Variants in PKIB observed in about 807,000 individuals in gnomAD.
PKIB encodes cAMP-dependent protein kinase inhibitor beta, also known as PKI-beta.
Under a neutral mutation model 4.5 loss-of-function variants are expected in PKIB, and 2 were observed. That is an observed-to-expected ratio of 0.44 (90% CI 0.18 to 1.39). The LOEUF (loss-of-function observed/expected upper bound fraction) is 1.39, where lower values mean the gene tolerates loss of function less well. PKIB is among the 40% of genes most tolerant of loss of function. The pLI is 0.27. For synonymous variants in PKIB, 38 were observed against 36.0 expected (o/e 1.06, Z -0.20); for missense variants, 94 against 92.6 (o/e 1.02, Z -0.06).
At chr6:122,552,439 C>T (rs1389398652) in intron 2 of PKIB, among the ~76,000 whole-genome samples, 6 of 152,082 alleles carry the variant, frequency 3.9e-5, no homozygotes, top group Admixed American at 6.5e-5. Flanking sequence ...TGCAGTGGCT[C>T]GATCTTGGCT....
At chr6:122,626,782 T>C (rs1173742921) in intron 1 of PKIB, among the ~76,000 whole-genome samples, 1 of 152,206 alleles carries the variant, frequency 6.6e-6, no homozygotes, top group Non-Finnish European at 1.5e-5. Context: ...AAATATTGTT[T>C]TTTAATATAT....
At chr6:122,657,365 T>C (rs1438282848) in intron 2 of PKIB, among the ~76,000 whole-genome samples, 1 of 152,192 alleles carries the variant, frequency 6.6e-6, no homozygotes, top group East Asian at 1.9e-4. Context: ...TTCAAAGTGG[T>C]TATTCCGTTG....
chr6:122,528,276 TC>T (rs1294776016), intron 2 of PKIB, among the ~76,000 whole-genome samples: 1 of 152,152 alleles, frequency 6.6e-6, no homozygotes, highest in Non-Finnish European at 1.5e-5. Flanking sequence ...TTACATGTGT[TC>T]TTAGATGTAA....
At chr6:122,570,006 C>A (rs891582353) in intron 2 of PKIB, among the ~76,000 whole-genome samples, 3 of 152,172 alleles carry the variant, frequency 2.0e-5, no homozygotes, top group Admixed American at 6.5e-5. Flanking sequence ...GCTGGGGCTT[C>A]TCCCACAGGA....
intron 1 of PKIB, among the ~76,000 whole-genome samples, chr6:122,631,234 A>G (rs1034499724): frequency 6.6e-5 from 10 of 152,328 alleles, no homozygotes; most frequent in African/African-American, 2.4e-4. Context: ...AAAAGATGGC[A>G]TTAATATCTG....
exon 1 of PKIB, chr6:122,471,976 G>T: frequency 1.0e-6 from 1 of 970,754 alleles, no homozygotes; most frequent in Non-Finnish European, 1.5e-6. Context: ...AATTTCTCAA[G>T]GACTGCTGGC....
chr6:122,673,055 A>G (rs567167361), intron 2 of PKIB, among the ~76,000 whole-genome samples: 7 of 152,110 alleles, frequency 4.6e-5, no homozygotes, highest in Non-Finnish European at 7.4e-5. Context: ...TCCACCACAT[A>G]GGTATATTTG....
At chr6:122,618,252 T>G (rs1473050562) in intron 1 of PKIB, among the ~76,000 whole-genome samples, 1 of 152,148 alleles carries the variant, frequency 6.6e-6, no homozygotes, top group Admixed American at 6.5e-5. Flanking sequence ...AGAATTCAAC[T>G]TTTCAAGGGC....
rs190782165 is a variant in PKIB at position 122,521,726 on chromosome 6, C to T, written c.-248+43787C>T. Among the ~76,000 whole-genome samples, 416 of 152,062 alleles carry T rather than the reference C, an allele frequency of 2.7e-3. 4 individuals carry two copies. Among genetic ancestry groups the T allele is most frequent in the African/African-American group, 9.1e-3 (376 of 41,494 alleles). On this transcript the variant is annotated intron_variant, in intron 2 of 6. Transcript: ENST00000392491. ...AAAAGAAGATGACATTTCAAAATGA[C>T]GATATGTTTGATTTTCCATCAGCTC... is the stretch of plus-strand genomic sequence containing the variant.
upstream of PKIB, among the ~76,000 whole-genome samples, chr6:122,609,546 G>A (rs2114755040): frequency 1.3e-5 from 2 of 152,328 alleles, no homozygotes; most frequent in Middle Eastern, 3.4e-3. Flanking sequence ...TAGGCTTTGG[G>A]TGGCAAGTCA....
intron 3 of PKIB, among the ~76,000 whole-genome samples, chr6:122,712,392 G>A (rs1039019615): frequency 3.9e-5 from 6 of 152,282 alleles, no homozygotes; most frequent in East Asian, 3.9e-4. Context: ...GAAGAGGTTC[G>A]TGTGTTTCAA....
At chr6:122,504,489 A>G (rs1357035854) in intron 2 of PKIB, among the ~76,000 whole-genome samples, 1 of 152,188 alleles carries the variant, frequency 6.6e-6, no homozygotes, top group Non-Finnish European at 1.5e-5. Flanking sequence ...TGCTCAGAAA[A>G]TGCAACCCTT....
chr6:122,626,319 G>A (rs1038033075), intron 1 of PKIB, among the ~76,000 whole-genome samples: 2 of 152,062 alleles, frequency 1.3e-5, no homozygotes, highest in African/African-American at 2.4e-5. Context: ...TTGCTAATAC[G>A]AGTAAAGATT....
intron 2 of PKIB, among the ~76,000 whole-genome samples, chr6:122,486,583 AT>A (rs935549531): frequency 6.6e-5 from 10 of 150,856 alleles, no homozygotes; most frequent in Admixed American, 5.9e-4. Flanking sequence ...TGTGTGTATG[AT>A]TTTTTTTCTT....
At chr6:122,553,481 C>CTTTTTTTTTTTTTT (rs533553939) in intron 2 of PKIB, among the ~76,000 whole-genome samples, 4,262 of 65,532 alleles carry the variant, frequency 0.065, 1,075 homozygotes, top group Middle Eastern at 0.12. Context: ...CAAATATCTT[C>CTTTTTTTTTTTTTT]TTTTTTTTTT....
chr6:122,669,436 C>T (rs1325867950), intron 2 of PKIB, among the ~76,000 whole-genome samples: 1 of 152,104 alleles, frequency 6.6e-6, no homozygotes, highest in Non-Finnish European at 1.5e-5. Context: ...TAATCATTAA[C>T]CCTTTCCTAT....
intron 3 of PKIB, among the ~76,000 whole-genome samples, chr6:122,684,797 G>A (rs1394025904): frequency 6.6e-6 from 1 of 152,014 alleles, no homozygotes; most frequent in African/African-American, 2.4e-5. Flanking sequence ...CACATTGATT[G>A]TCACTTGTTT....
chr6:122,631,566 C>G (rs574145670), intron 1 of PKIB, among the ~76,000 whole-genome samples: 22 of 152,222 alleles, frequency 1.4e-4, no homozygotes, highest in South Asian at 8.3e-4. Context: ...AGCGTAATAA[C>G]CGTATATTTG....
intron 1 of PKIB, among the ~76,000 whole-genome samples, chr6:122,629,679 A>G (rs1775611038): frequency 6.6e-6 from 1 of 152,120 alleles, no homozygotes; most frequent in Admixed American, 6.5e-5. Context: ...GATATTATAG[A>G]CCCTTGATAT....
Sources: gnomAD v4.1 joint callset for allele counts (sites outside exome capture counted in the v4.1 genomes callset) on GRCh38, gnomAD v4.1.1 for gene constraint, MANE v1.5 for transcripts, NCBI Gene and HGNC (gene_info 2026-07-23, HGNC 2026-07-21) for gene names.